MAGEC3: variants seen among roughly 807,000 people sequenced by gnomAD.
The protein encoded by MAGEC3 is melanoma-associated antigen C3.
Under a neutral mutation model 35.3 loss-of-function variants are expected in MAGEC3, and 34 were observed. The observed-to-expected ratio is 0.96, with a 90% CI of 0.73 to 1.28. The LOEUF (loss-of-function observed/expected upper bound fraction) is 1.28. MAGEC3 is among the 50% of genes most tolerant of loss of function. The pLI is 0.00. For missense variants in MAGEC3, 561 were observed against 483.6 expected, an observed-to-expected ratio of 1.16 and a Z score of -1.50; for synonymous variants, 202 against 185.6, an observed-to-expected ratio of 1.09 and a Z score of -0.72.
In MAGEC3 at chrX:141,897,165, CA is replaced by C; in HGVS notation, c.1410del (p.Lys470AsnfsTer14). On this transcript the variant is annotated frameshift_variant, in exon 7 of 8. Coordinates refer to ENST00000298296, the MANE Select transcript of MAGEC3 (RefSeq NM_138702.1). LOFTEE classifies it high-confidence loss of function. ...VAELVQFLLLKYQTKEPVTKA... is the reference protein window; with the variant it reads ...VAELVQFLLLXYQTKEPVTKA... The stretch of plus-strand genomic sequence containing the variant: ...CTGAGTTGGTGCAGTTTCTTCTCCT[CA>C]AATATCAAACAAAAGAGCCTGTCAC... 8.3e-7 allele frequency: 1 copy of C among 1,211,886 alleles called. No homozygotes were observed. The highest frequency in any genetic ancestry group is 1.1e-6 in the Non-Finnish European group (1 of 895,597).
rs1401501846 is a variant in MAGEC3, at chrX:141,895,345, T to C, written c.986T>C (p.Phe329Ser). Residue 329 changes from phenylalanine (F) to serine (S), a missense_variant, in exon 5 of 8, where the codon TTT becomes TCT. Phe to Ser is a radical substitution (Grantham distance 155). Coordinates refer to ENST00000298296, the MANE Select transcript of MAGEC3 (RefSeq NM_138702.1). The part of the protein sequence containing the change: ...ALWESEGPEA[F>S]CEESGLRSAE... ...TGGGAGTCTGAAGGACCTGAAGCATTTTGCGAGGAGTCTGGACTCAGGTCA... is the reference window on the plus strand; with the variant it reads ...TGGGAGTCTGAAGGACCTGAAGCATCTTGCGAGGAGTCTGGACTCAGGTCA... The C allele has an allele frequency of 8.3e-7, 1 of 1,207,712 alleles. No homozygotes were observed. The highest frequency in any genetic ancestry group is 3.0e-5 in the East Asian group (1 of 33,621).
intron 4 of MAGEC3, among the ~76,000 whole-genome samples, chrX:141,893,886 C>T (rs1439112038): frequency 1.8e-5 from 2 of 111,271 alleles, no homozygotes; most frequent in Non-Finnish European, 3.8e-5. Context: ...TGACCAACGT[C>T]ATTTGTCATT....
intron 1 of MAGEC3, among the ~76,000 whole-genome samples, chrX:141,859,795 G>A (rs148834900): frequency 0.015 from 1,691 of 111,398 alleles, 14 homozygotes; most frequent in Middle Eastern, 0.033. Flanking sequence ...CCAACCCAGA[G>A]CTGTCAACAA....
At chrX:141,878,010 A>G (rs1407999085) in intron 2 of MAGEC3, among the ~76,000 whole-genome samples, 5 of 111,819 alleles carry the variant, frequency 4.5e-5, no homozygotes, top group African/African-American at 1.6e-4. Flanking sequence ...TCTATTTTCT[A>G]TGCCAGGATC....
intron 1 of MAGEC3, among the ~76,000 whole-genome samples, chrX:141,858,488 AC>A (rs2017795374): frequency 9.0e-6 from 1 of 111,488 alleles, no homozygotes; most frequent in Admixed American, 9.6e-5. Context: ...CTCGTTTCTT[AC>A]AAGTAATCGA....
At chrX:141,848,598 C>A (rs1028159441) in intron 1 of MAGEC3, among the ~76,000 whole-genome samples, 1 of 110,572 alleles carries the variant, frequency 9.0e-6, no homozygotes, top group African/African-American at 3.3e-5. Flanking sequence ...ACAAGGAGAA[C>A]TACAAAGCAT....
At chrX:141,872,044 A>G (rs111572106) in intron 2 of MAGEC3, among the ~76,000 whole-genome samples, 15,842 of 109,625 alleles carry the variant, frequency 0.14, 1,219 homozygotes, top group Non-Finnish European at 0.23. Context: ...GAGGATTTTT[A>G]TTAAGAAGAA....
Position 141,896,987 on chromosome X carries a change from G to A in MAGEC3, c.1229G>A (p.Ser410Asn). The change falls in exon 7 of 8, where the codon AGT becomes AAT. Residue 410 changes from serine (S) to asparagine (N), a missense_variant. Ser to Asn is a conservative substitution (Grantham distance 46). Coordinates refer to ENST00000298296, the MANE Select transcript of MAGEC3 (RefSeq NM_138702.1). ...PKISPQGPPQ[S>N]PPQSPLDSCS... is the part of the protein sequence containing the mutation. ...ATCTCTCCCCAGGGTCCTCCGCAGAGTCCTCCCCAGAGTCCTCTAGACTCC... is the reference window on the plus strand; with the variant it reads ...ATCTCTCCCCAGGGTCCTCCGCAGAATCCTCCCCAGAGTCCTCTAGACTCC... 1 of 1,206,089 alleles carries A rather than the reference G, an allele frequency of 8.3e-7. No homozygotes were observed. The highest frequency in any genetic ancestry group is 3.0e-5 in the East Asian group (1 of 33,566).
At chrX:141,886,780 G>T (rs1487474255) in intron 4 of MAGEC3, among the ~76,000 whole-genome samples, 2 of 111,346 alleles carry the variant, frequency 1.8e-5, no homozygotes, top group Non-Finnish European at 3.8e-5. Context: ...GAAGGGAAAG[G>T]CTATTATGAA....
At position 141,881,502 on chromosome X, in the gene MAGEC3, C is replaced by A. The variant is rs761537398; in HGVS notation, c.615C>A (p.Leu205=). The change falls in exon 4 of 8, where the codon CTC becomes CTA. Residue 205 remains leucine, a synonymous_variant. Coordinates refer to ENST00000298296, the MANE Select transcript of MAGEC3 (RefSeq NM_138702.1). ...LLLKYQAKEP[L]TRAEMQMNVI... is the part of the protein sequence containing the mutation. The stretch of plus-strand genomic sequence containing the variant: ...TCAAATATCAAGCAAAAGAGCCTCT[C>A]ACAAGAGCAGAGATGCAGATGAATG... 5 of 1,209,805 alleles carry A rather than the reference C, an allele frequency of 4.1e-6. No individual in the cohort carries two copies. The highest frequency in any genetic ancestry group is 5.6e-6 in the Non-Finnish European group (5 of 895,133).
At position 141,881,662 on chromosome X, in the gene MAGEC3, A is replaced by G. The variant is rs751683228; in HGVS notation, c.775A>G (p.Thr259Ala). ...TGTCTTTGTAAACACATTAGACCTC[A>G]CCTGTGAGGGGAGTCTGAGTGATGA... ...FYVFVNTLDL[T>A]CEGSLSDEQG... Residue 259 changes from threonine to alanine, a missense_variant, in exon 4 of 8, where the codon ACC (threonine) becomes GCC (alanine). Physicochemically the swap from Thr to Ala is moderately conservative, Grantham distance 58. Transcript: ENST00000298296. 15 of 1,209,567 alleles carry G rather than the reference A, an allele frequency of 1.2e-5. No homozygotes were observed. The Admixed American group carries it at 2.2e-4, about 18-fold the overall frequency.
intron 1 of MAGEC3, among the ~76,000 whole-genome samples, chrX:141,859,735 G>T (rs1271004208): frequency 9.0e-6 from 1 of 110,726 alleles, no homozygotes; most frequent in African/African-American, 3.3e-5. Flanking sequence ...GAGTTTTGGG[G>T]GTTTTCTTAT....
At position 141,863,562 on chromosome X, in the gene MAGEC3, G is replaced by C. The variant is rs144579849; in HGVS notation, c.124-1909G>C. ...AAACAATATGGAAAACTGTGGGGAG[G>C]TTAGTGGATATGTGAGAACTCTGTA... On this transcript the variant is annotated intron_variant, in intron 1 of 7. Coordinates refer to ENST00000298296, the MANE Select transcript of MAGEC3 (RefSeq NM_138702.1). Among the ~76,000 whole-genome samples the C allele has an allele frequency of 1.2e-4, 13 of 111,891 alleles. No individual in the cohort carries two copies. In the East Asian group the frequency reaches 3.4e-3, roughly 29 times the overall value.
intron 4 of MAGEC3, among the ~76,000 whole-genome samples, chrX:141,893,335 A>G (rs1272961697): frequency 8.9e-6 from 1 of 111,789 alleles, no homozygotes; most frequent in Non-Finnish European, 1.9e-5. Context: ...ATCATACAAT[A>G]TTTAGAAACA....
At chrX:141,850,179 A>T (rs1436760638) in intron 1 of MAGEC3, among the ~76,000 whole-genome samples, 1 of 111,017 alleles carries the variant, frequency 9.0e-6, no homozygotes, top group Non-Finnish European at 1.9e-5. Flanking sequence ...CACTGTGCGC[A>T]CATAGACATA....
At chrX:141,894,727 C>G in intron 4 of MAGEC3, 2 of 970,354 alleles carry the variant, frequency 2.1e-6, no homozygotes, top group African/African-American at 2.0e-5. Flanking sequence ...ATAGCTATCT[C>G]CCAACACGGA....
At position 141,881,492 on chromosome X, in the gene MAGEC3, A is replaced by G. The variant is rs540233450; in HGVS notation, c.605A>G (p.Lys202Arg). 5 of 1,209,683 alleles carry G rather than the reference A, an allele frequency of 4.1e-6. No individual in the cohort carries two copies. In the Admixed American group the frequency reaches 1.1e-4, roughly 26 times the overall value. The change falls in exon 4 of 8, where the codon AAA becomes AGA. Residue 202 changes from lysine to arginine, a missense_variant. Lys to Arg is a conservative substitution (Grantham distance 26, BLOSUM62 2). Transcript: ENST00000298296. ...TTTCTTCTCCTCAAATATCAAGCAA[A>G]AGAGCCTCTCACAAGAGCAGAGATG... The part of the protein sequence containing the change: ...VQFLLLKYQA[K>R]EPLTRAEMQM...
Position 141,879,287 on chromosome X carries a change from A to G in MAGEC3, c.371A>G (p.Glu124Gly), listed in dbSNP as rs760808959. ...AGGGCAGTTTCAGTTAAGCAGAGGG[A>G]GGAACCCCAGGACTGGCCACTCAAC... Reference protein sequence around the residue: ...LRRAVSVKQREEPQDWPLNEK... With the variant: ...LRRAVSVKQRGEPQDWPLNEK... The change falls in exon 3 of 8, where the codon GAG becomes GGG. Residue 124 changes from glutamate (E) to glycine (G), a missense_variant. Coordinates refer to ENST00000298296, the MANE Select transcript of MAGEC3 (RefSeq NM_138702.1). 1.5e-5 allele frequency: 18 copies of G among 1,206,088 alleles called. No individual in the cohort carries two copies. Among genetic ancestry groups the G allele is most frequent in the East Asian group, 3.0e-5 (1 of 33,670 alleles).
In MAGEC3 at chrX:141,897,411, TATTCTC is replaced by T. The variant is rs1245750321; in HGVS notation, c.1655_1660del (p.Ile552_Leu553del). On this transcript the variant is annotated inframe_deletion, in exon 7 of 8. Transcript: ENST00000298296. ...TGCCCAAGAACTGTCTCCTGATTCTTATTCTCAGTATGATCTTCATAAAGGGCAGCT... is the reference window on the plus strand; with the variant it reads ...TGCCCAAGAACTGTCTCCTGATTCTTAGTATGATCTTCATAAAGGGCAGCT... 6 of 1,209,965 alleles carry T rather than the reference TATTCTC, an allele frequency of 5.0e-6. No individual in the cohort carries two copies. In the African/African-American group the frequency reaches 1.1e-4, roughly 21 times the overall value.
Sources: gnomAD v4.1 joint callset for allele counts (sites outside exome capture counted in the v4.1 genomes callset) on GRCh38, gnomAD v4.1.1 for gene constraint, MANE v1.5 for transcripts, NCBI Gene and HGNC (gene_info 2026-07-23, HGNC 2026-07-21) for gene names.